The following NKAIN3 variants were observed in gnomAD, a reference collection of about 807,000 sequenced individuals.
NKAIN3 encodes sodium/potassium-transporting ATPase subunit beta-1-interacting protein 3.
NKAIN3 carries 25 observed loss-of-function variants against 30.2 expected under a neutral mutation model. The observed-to-expected ratio is 0.83, with a 90% CI of 0.60 to 1.16. NKAIN3 has a LOEUF of 1.16. NKAIN3 is among the 50% of genes most tolerant of loss of function. The pLI is 0.00. For missense variants in NKAIN3, 225 were observed against 254.1 expected (o/e 0.89, Z 0.78); for synonymous variants, 91 against 89.6 (o/e 1.02, Z -0.09).
Position 62,972,841 on chromosome 8 carries a change from A to G in NKAIN3, c.*7434A>G, listed in dbSNP as rs1212157386. Among the ~76,000 whole-genome samples, 3 of 151,604 alleles carry G rather than the reference A, an allele frequency of 2.0e-5. No individual in the cohort carries two copies. The highest frequency in any genetic ancestry group is 2.9e-5 in the Non-Finnish European group (2 of 67,934). On this transcript the variant is annotated 3_prime_UTR_variant, in exon 7 of 7. Coordinates refer to ENST00000623646, the MANE Select transcript of NKAIN3 (RefSeq NM_001304533.3). ...CCCTCCCCTTGTCCCCCACTCCCCA[A>G]CAGGCCCTGGTGTGTGATGTTCCCC...
intron 3 of NKAIN3, among the ~76,000 whole-genome samples, chr8:62,616,985 G>A (rs1811473829): frequency 1.3e-5 from 2 of 152,206 alleles, no homozygotes; most frequent in Admixed American, 6.5e-5. Flanking sequence ...TGATGATAGT[G>A]AATGATTTAT....
chr8:62,877,162 C>T (rs916368121), intron 4 of NKAIN3, among the ~76,000 whole-genome samples: 2 of 151,992 alleles, frequency 1.3e-5, no homozygotes, highest in South Asian at 2.1e-4. Flanking sequence ...GGTGGTCTCA[C>T]GGCCAAAGGA....
chr8:62,361,889 A>G (rs1375106638), intron 1 of NKAIN3, among the ~76,000 whole-genome samples: 1 of 152,140 alleles, frequency 6.6e-6, no homozygotes, highest in African/African-American at 2.4e-5. Context: ...TGCTCAATGC[A>G]TTCCCCTTCA....
chr8:62,868,724 C>T (rs558661812), intron 4 of NKAIN3, among the ~76,000 whole-genome samples: 6 of 152,300 alleles, frequency 3.9e-5, no homozygotes, highest in South Asian at 2.1e-4. Context: ...ATGCATTCAA[C>T]GTTTATAAAC....
At chr8:62,951,507 C>G (rs1440934579) in intron 5 of NKAIN3, among the ~76,000 whole-genome samples, 2 of 152,178 alleles carry the variant, frequency 1.3e-5, no homozygotes, top group South Asian at 4.1e-4. Context: ...AGCTGGAGTG[C>G]AGTGGCACAA....
intron 3 of NKAIN3, among the ~76,000 whole-genome samples, chr8:62,655,283 A>T (rs1812733718): frequency 6.6e-6 from 1 of 152,174 alleles, no homozygotes; most frequent in South Asian, 2.1e-4. Context: ...ATGAACCTTT[A>T]ATAACAAAAA....
intron 3 of NKAIN3, among the ~76,000 whole-genome samples, chr8:62,652,578 T>C (rs1035890949): frequency 2.0e-5 from 3 of 152,152 alleles, no homozygotes; most frequent in African/African-American, 4.8e-5. Context: ...CAAAAAAATA[T>C]TTCTGAGGAG....
intron 1 of NKAIN3, among the ~76,000 whole-genome samples, chr8:62,416,719 G>C (rs966550933): frequency 6.6e-6 from 1 of 151,998 alleles, no homozygotes; most frequent in African/African-American, 2.4e-5. Flanking sequence ...TATTGGCCAG[G>C]CATGGTAGCT....
chr8:62,747,116 A>AAATACT lies in NKAIN3; in HGVS notation c.460_465dup (p.Ile154_Leu155dup), dbSNP rs1244646745. ...CTGGAGGTCATCCACAGTGCTGTCCAAATACTACTCTCTGTAAGTGTCACT... is the reference window on the plus strand; with the variant it reads ...CTGGAGGTCATCCACAGTGCTGTCCAAATACTAATACTACTCTCTGTAAGTGTCACT... On this transcript the variant is annotated inframe_insertion, in exon 4 of 7. Coordinates refer to ENST00000623646, the MANE Select transcript of NKAIN3 (RefSeq NM_001304533.3). 1 of 1,603,398 alleles carries AAATACT rather than the reference A, an allele frequency of 6.2e-7. No homozygotes were observed. The highest frequency in any genetic ancestry group is 8.5e-7 in the Non-Finnish European group (1 of 1,170,786).
chr8:62,876,793 A>G (rs922398566), intron 4 of NKAIN3, among the ~76,000 whole-genome samples: 1 of 151,958 alleles, frequency 6.6e-6, no homozygotes, highest in Non-Finnish European at 1.5e-5. Flanking sequence ...GAGGGTAACA[A>G]TACACCAGGG....
intron 1 of NKAIN3, among the ~76,000 whole-genome samples, chr8:62,416,714 G>T (rs1158194770): frequency 6.6e-6 from 1 of 152,016 alleles, no homozygotes. Flanking sequence ...ATTATTATTG[G>T]CCAGGCATGG....
At chr8:62,698,761 G>C (rs752424063) in intron 3 of NKAIN3, among the ~76,000 whole-genome samples, 2 of 152,108 alleles carry the variant, frequency 1.3e-5, no homozygotes, top group Non-Finnish European at 2.9e-5. Context: ...AAATTTGGGA[G>C]AGTATGTTAT....
chr8:62,615,488 G>GT (rs1159723896), intron 3 of NKAIN3, among the ~76,000 whole-genome samples: 2 of 152,176 alleles, frequency 1.3e-5, no homozygotes, highest in Non-Finnish European at 2.9e-5. Flanking sequence ...TGGTGTCTCA[G>GT]TATGTCACAT....
intron 4 of NKAIN3, among the ~76,000 whole-genome samples, chr8:62,899,812 T>A (rs1821547367): frequency 1.3e-5 from 2 of 152,138 alleles, no homozygotes; most frequent in African/African-American, 4.8e-5. Context: ...ATGATGGGAT[T>A]ATTATGCATT....
chr8:62,813,137 T>C (rs1818547040), intron 4 of NKAIN3, among the ~76,000 whole-genome samples: 1 of 152,030 alleles, frequency 6.6e-6, no homozygotes, highest in Admixed American at 6.6e-5. Flanking sequence ...GGCTCCTTTT[T>C]TGAAAATCAG....
intron 3 of NKAIN3, among the ~76,000 whole-genome samples, chr8:62,721,934 T>C (rs1222158876): frequency 6.6e-6 from 1 of 152,226 alleles, no homozygotes. Context: ...CCTGTGGATA[T>C]AATCCTAACT....
At chr8:62,324,219 A>G (rs1329819120) in intron 1 of NKAIN3, among the ~76,000 whole-genome samples, 3 of 152,136 alleles carry the variant, frequency 2.0e-5, no homozygotes, top group Non-Finnish European at 2.9e-5. Flanking sequence ...AGGTGAAGGG[A>G]GAGGATATAT....
chr8:62,986,931 G>A (rs950050559), downstream of NKAIN3, among the ~76,000 whole-genome samples: 19 of 152,066 alleles, frequency 1.2e-4, no homozygotes, highest in African/African-American at 4.1e-4. Context: ...TACACACAAC[G>A]TGTTTTTTTC....
chr8:62,616,186 G>A (rs775773048), intron 3 of NKAIN3, among the ~76,000 whole-genome samples: 24 of 151,906 alleles, frequency 1.6e-4, no homozygotes, highest in Admixed American at 2.6e-4. Context: ...ATACCAAATG[G>A]AGGTCCAACA....
Sources: allele counts gnomAD v4.1 joint callset (sites outside exome capture counted in the v4.1 genomes callset), GRCh38; gene constraint gnomAD v4.1.1; transcripts MANE v1.5; gene names NCBI Gene and HGNC (gene_info 2026-07-23, HGNC 2026-07-21).